Variants in TNIK observed in about 807,000 individuals in gnomAD.
The protein encoded by TNIK is TRAF2 and NCK interacting kinase.
Under a neutral mutation model 191.3 loss-of-function variants are expected in TNIK, and 49 were observed. The observed-to-expected ratio is 0.26, with a 90% CI of 0.20 to 0.32. The LOEUF (loss-of-function observed/expected upper bound fraction) is 0.32. TNIK is among the 10% of genes least tolerant of loss of function. The pLI, the probability that TNIK is intolerant of heterozygous loss-of-function variation, is 1.00. For synonymous variants in TNIK, 594 were observed against 600.9 expected (o/e 0.99, Z 0.17); for missense variants, 1,155 against 1,702.3 (o/e 0.68, Z 5.66).
At chr3:171,375,643 T>C (rs1016675670) in intron 1 of TNIK, among the ~76,000 whole-genome samples, 3 of 152,216 alleles carry the variant, frequency 2.0e-5, no homozygotes, top group African/African-American at 7.2e-5. Flanking sequence ...TATGCTTTAA[T>C]TCCTCCAGGT....
At position 171,151,325 on chromosome 3, in the gene TNIK, C is replaced by T. The variant is rs1009314471; in HGVS notation, c.1221+6135G>A. Among the ~76,000 whole-genome samples the T allele has an allele frequency of 2.0e-5, 3 of 152,242 alleles. No homozygotes were observed. In the South Asian group the frequency reaches 6.2e-4, roughly 32 times the overall value. ...TCCCAGTATTATAACAAATATTCTT[C>T]CCGAAGCATAGAAAGAAGCTTACCT... On this transcript the variant is annotated intron_variant, in intron 12 of 32. Transcript: ENST00000436636.
At chr3:171,071,113 G>T (rs1719121256) in intron 29 of TNIK, 110 bp downstream of exon 29, 4 of 693,796 alleles carry the variant, frequency 5.8e-6, no homozygotes, top group Non-Finnish European at 8.9e-6. Flanking sequence ...TTTAAAACAG[G>T]TTTATTATCT....
At position 171,337,630 on chromosome 3, in the gene TNIK, T is replaced by C. The variant is rs568416247; in HGVS notation, c.123+31990A>G. On this transcript the variant is annotated intron_variant, in intron 2 of 32. Coordinates refer to ENST00000436636, the MANE Select transcript of TNIK (RefSeq NM_015028.4). The stretch of plus-strand genomic sequence containing the variant: ...CATAACGATAGATGTGTATTACATA[T>C]ACTTCTTACCTGCTGACTGGATCTT... 7.9e-5 allele frequency among the ~76,000 whole-genome samples: 12 copies of C among 152,358 alleles called. No homozygotes were observed. In the East Asian group the frequency reaches 1.9e-3, roughly 24 times the overall value.
At chr3:171,090,789 C>T (rs1337468424) in intron 23 of TNIK, among the ~76,000 whole-genome samples, 1 of 152,012 alleles carries the variant, frequency 6.6e-6, no homozygotes, top group African/African-American at 2.4e-5. Flanking sequence ...ATAGGTAGAA[C>T]CACAGGGATA....
intron 15 of TNIK, among the ~76,000 whole-genome samples, chr3:171,136,433 A>G (rs1400765810): frequency 6.6e-6 from 1 of 151,982 alleles, no homozygotes; most frequent in Non-Finnish European, 1.5e-5. Context: ...TTAGATCCTA[A>G]CTCTCGAGTT....
chr3:171,259,655 G>A lies in TNIK; in HGVS notation c.124-31434C>T, dbSNP rs114418099. Among the ~76,000 whole-genome samples the A allele has an allele frequency of 2.0e-3, 298 of 152,220 alleles. 1 individual carries two copies. Among genetic ancestry groups the A allele is most frequent in the African/African-American group, 6.8e-3 (283 of 41,536 alleles). ...TTGCCTGGCTAATCTCATGGCCAAC[G>A]GTAAAGAATTAATAGAAATTAAGGC... On this transcript the variant is annotated intron_variant, in intron 2 of 32. Transcript: ENST00000436636.
At chr3:171,079,112 A>AT (rs748413746) in intron 28 of TNIK, among the ~76,000 whole-genome samples, 1 of 152,136 alleles carries the variant, frequency 6.6e-6, no homozygotes, top group Non-Finnish European at 1.5e-5. Flanking sequence ...GATTTTGATC[A>AT]TTTTCCTCAC....
At chr3:171,187,994 G>A (rs771425125) in intron 7 of TNIK, among the ~76,000 whole-genome samples, 20 of 152,146 alleles carry the variant, frequency 1.3e-4, no homozygotes, top group Admixed American at 3.3e-4. Flanking sequence ...TTAGAAAGCC[G>A]TGTCACCTGA....
intron 2 of TNIK, among the ~76,000 whole-genome samples, chr3:171,321,172 T>C (rs1378337861): frequency 6.6e-6 from 1 of 152,230 alleles, no homozygotes; most frequent in Non-Finnish European, 1.5e-5. Flanking sequence ...AAATCATGCA[T>C]ATACTTTCAA....
intron 2 of TNIK, among the ~76,000 whole-genome samples, chr3:171,324,345 G>C (rs1010315094): frequency 1.3e-5 from 2 of 152,126 alleles, no homozygotes; most frequent in East Asian, 1.9e-4. Flanking sequence ...GGTATCCGAT[G>C]TTCCTGTTGA....
chr3:171,115,918 G>T (rs2108525187), intron 18 of TNIK, among the ~76,000 whole-genome samples: 1 of 152,176 alleles, frequency 6.6e-6, no homozygotes, highest in East Asian at 1.9e-4. Context: ...CATCCTGACT[G>T]GGCTCAGAGT....
At chr3:171,115,102 G>T (rs61258599) in intron 18 of TNIK, among the ~76,000 whole-genome samples, 2,839 of 152,278 alleles carry the variant, frequency 0.019, 90 homozygotes, top group African/African-American at 0.058. Flanking sequence ...TGATGAGCAT[G>T]TTAAGGTTTC....
chr3:171,120,840 A>G lies in TNIK; in HGVS notation c.2120+2756T>C, dbSNP rs181054627. 6.0e-4 allele frequency among the ~76,000 whole-genome samples: 91 copies of G among 152,266 alleles called. No homozygotes were observed. In the East Asian group the frequency reaches 0.015, roughly 25 times the overall value. On this transcript the variant is annotated intron_variant, in intron 18 of 32. Coordinates refer to ENST00000436636, the MANE Select transcript of TNIK (RefSeq NM_015028.4). The stretch of plus-strand genomic sequence containing the variant: ...CTTTTAGTTAATTCAAAGCAAAATA[A>G]GAAAGTGAGGCAAGAAATATAATTT...
intron 2 of TNIK, among the ~76,000 whole-genome samples, chr3:171,360,281 C>A (rs115716822): frequency 0.02 from 3,017 of 152,274 alleles, 113 homozygotes; most frequent in African/African-American, 0.07. Context: ...TCAACTACAC[C>A]AAGCAATGCC....
intron 1 of TNIK, among the ~76,000 whole-genome samples, chr3:171,436,984 C>G (rs1726108389): frequency 6.6e-6 from 1 of 152,186 alleles, no homozygotes. Flanking sequence ...AAATCAAGCA[C>G]AGCGGCATCT....
chr3:171,120,736 G>T (rs779392340), intron 18 of TNIK, among the ~76,000 whole-genome samples: 2 of 152,142 alleles, frequency 1.3e-5, no homozygotes, highest in Non-Finnish European at 2.9e-5. Context: ...GGGGGTCCAG[G>T]TTCCTTCTGG....
chr3:171,407,901 G>T (rs932694671), intron 1 of TNIK, among the ~76,000 whole-genome samples: 2 of 152,082 alleles, frequency 1.3e-5, no homozygotes, highest in Non-Finnish European at 2.9e-5. Flanking sequence ...GCTGCTTCCC[G>T]TCTTCAATCC....
Position 171,159,294 on chromosome 3 carries a change from T to C in TNIK, c.1017-1630A>G, listed in dbSNP as rs116363216. ...AGTGAGGGATGACTTGCAGGTTCTG[T>C]CTTGGTGGCTGGGTGACGGTGGTAA... On this transcript the variant is annotated intron_variant, in intron 11 of 32. Transcript: ENST00000436636. This position sits in a 1 kb window ranked among gnomAD's most constrained non-coding sequence, Gnocchi z 4.1. Among the ~76,000 whole-genome samples the C allele has an allele frequency of 0.012, 1,777 of 151,690 alleles. 37 individuals carry two copies. The highest frequency in any genetic ancestry group is 0.04 in the African/African-American group (1,647 of 41,306).
At chr3:171,202,338 G>T (rs1739520482) in intron 4 of TNIK, among the ~76,000 whole-genome samples, 1 of 152,112 alleles carries the variant, frequency 6.6e-6, no homozygotes, top group African/African-American at 2.4e-5. Flanking sequence ...CCAAATAGAA[G>T]AATGTGGGGT....
Sources: allele counts gnomAD v4.1 joint callset (sites outside exome capture counted in the v4.1 genomes callset), GRCh38; gene constraint gnomAD v4.1.1; non-coding constraint Gnocchi (gnomAD v3.1); transcripts MANE v1.5; gene names NCBI Gene and HGNC (gene_info 2026-07-23, HGNC 2026-07-21).